METTL15: variants seen among roughly 807,000 people sequenced by gnomAD.
METTL15 encodes the protein 12S rRNA N(4)-cytidine methyltransferase METTL15.
Under a neutral mutation model 38.3 loss-of-function variants are expected in METTL15, and 34 were observed. The ratio of observed to expected loss-of-function variants is 0.89; its 90% CI spans 0.68 to 1.18. The LOEUF (loss-of-function observed/expected upper bound fraction) is 1.18, where lower values mean the gene tolerates loss of function less well. METTL15 is among the 50% of genes most tolerant of loss of function. METTL15 has a pLI of 0.00. For missense variants in METTL15, 438 were observed against 498.4 expected (o/e 0.88, Z 1.15); for synonymous variants, 162 against 170.9 (o/e 0.95, Z 0.41).
At chr11:28,455,213 T>C (rs1484432795) in intron 6 of METTL15, among the ~76,000 whole-genome samples, 4 of 140,222 alleles carry the variant, frequency 2.9e-5, no homozygotes, top group Non-Finnish European at 1.5e-5. Context: ...TGGGATCAGC[T>C]AGCTTTTTTT....
intron 6 of METTL15, among the ~76,000 whole-genome samples, chr11:28,446,308 T>C (rs572894600): frequency 6.6e-6 from 1 of 152,230 alleles, no homozygotes; most frequent in African/African-American, 2.4e-5. Flanking sequence ...TGCCAGTCTA[T>C]TTTTAAAGCC....
intron 6 of METTL15, among the ~76,000 whole-genome samples, chr11:28,474,330 C>A (rs1454110699): frequency 2.0e-5 from 3 of 151,912 alleles, no homozygotes; most frequent in Non-Finnish European, 4.4e-5. Context: ...ATGTTTAATT[C>A]TCCTTTCTTT....
chr11:28,337,064 C>T (rs1198772946), downstream of METTL15, among the ~76,000 whole-genome samples: 6 of 151,494 alleles, frequency 4.0e-5, no homozygotes, highest in Non-Finnish European at 8.8e-5. Context: ...TAGTTTTTAA[C>T]TAAAAAGTTT....
chr11:28,504,448 TAA>T (rs1379728601), intron 6 of METTL15, among the ~76,000 whole-genome samples: 1 of 152,158 alleles, frequency 6.6e-6, no homozygotes, highest in Non-Finnish European at 1.5e-5. Context: ...CCAGAATTTT[TAA>T]AAAGCCATTA....
At chr11:28,419,529 T>G (rs1357518050) in intron 5 of METTL15, among the ~76,000 whole-genome samples, 1 of 152,112 alleles carries the variant, frequency 6.6e-6, no homozygotes, top group Non-Finnish European at 1.5e-5. Flanking sequence ...CTGGAAAGCC[T>G]TCCCAAGAAG....
At chr11:28,382,430 A>G (rs1195007846) in intron 5 of METTL15, among the ~76,000 whole-genome samples, 1 of 152,124 alleles carries the variant, frequency 6.6e-6, no homozygotes, top group Non-Finnish European at 1.5e-5. Flanking sequence ...AATGGCTAGG[A>G]AGATGGTTGT....
At chr11:28,209,259 C>T (rs187334550) in intron 3 of METTL15, among the ~76,000 whole-genome samples, 36 of 151,998 alleles carry the variant, frequency 2.4e-4, no homozygotes, top group African/African-American at 8.4e-4. Flanking sequence ...TCTATAGTTA[C>T]AGCAAGGCTA....
intron 4 of METTL15, among the ~76,000 whole-genome samples, chr11:28,280,017 T>A (rs1248276284): frequency 6.6e-6 from 1 of 152,186 alleles, no homozygotes; most frequent in Non-Finnish European, 1.5e-5. Flanking sequence ...ACATTAATTC[T>A]ATTCTTTCCT....
intron 6 of METTL15, among the ~76,000 whole-genome samples, chr11:28,483,491 A>G (rs1442238234): frequency 6.6e-6 from 1 of 152,166 alleles, no homozygotes; most frequent in African/African-American, 2.4e-5. Context: ...AGCTAGCTAC[A>G]TGATCCTGGA....
At chr11:28,394,579 T>C (rs1850549173) in intron 5 of METTL15, among the ~76,000 whole-genome samples, 1 of 152,074 alleles carries the variant, frequency 6.6e-6, no homozygotes, top group Non-Finnish European at 1.5e-5. Flanking sequence ...TCACGGACAT[T>C]TTCAGTTCAA....
At chr11:28,421,142 C>G (rs1172268644) in intron 5 of METTL15, among the ~76,000 whole-genome samples, 1 of 151,840 alleles carries the variant, frequency 6.6e-6, no homozygotes, top group African/African-American at 2.4e-5. Flanking sequence ...ATACACACAG[C>G]CTACCAAGAT....
intron 6 of METTL15, among the ~76,000 whole-genome samples, chr11:28,430,140 G>C (rs1234502775): frequency 6.6e-6 from 1 of 151,746 alleles, no homozygotes; most frequent in East Asian, 2.0e-4. Context: ...CGTCTGAGAA[G>C]TGAGGAGCCC....
intron 5 of METTL15, among the ~76,000 whole-genome samples, chr11:28,416,585 A>G (rs1446494703): frequency 6.6e-6 from 1 of 152,234 alleles, no homozygotes; most frequent in Non-Finnish European, 1.5e-5. Context: ...AACCAGGTAT[A>G]GGTGAATTGC....
chr11:28,302,744 T>A (rs983612813), intron 6 of METTL15, among the ~76,000 whole-genome samples: 1 of 152,156 alleles, frequency 6.6e-6, no homozygotes, highest in Non-Finnish European at 1.5e-5. Flanking sequence ...CACTAACATA[T>A]GCAGGTAAGT....
downstream of METTL15, among the ~76,000 whole-genome samples, chr11:28,531,629 T>C (rs1444265834): frequency 2.0e-5 from 3 of 152,064 alleles, no homozygotes; most frequent in Non-Finnish European, 4.4e-5. Flanking sequence ...TACACTAAGT[T>C]AGATGGTATT....
At chr11:28,176,715 A>C (rs1339568312) in intron 3 of METTL15, among the ~76,000 whole-genome samples, 1 of 152,074 alleles carries the variant, frequency 6.6e-6, no homozygotes, top group East Asian at 1.9e-4. Context: ...CTAACCTGTC[A>C]GTTATTATCT....
chr11:28,230,863 C>T (rs1020972460), intron 4 of METTL15, among the ~76,000 whole-genome samples: 1 of 151,660 alleles, frequency 6.6e-6, no homozygotes, highest in Non-Finnish European at 1.5e-5. Context: ...CATTTTAGTG[C>T]CTGCTGTGTA....
At chr11:28,309,866 T>C (rs1260645587) in intron 6 of METTL15, among the ~76,000 whole-genome samples, 1 of 152,212 alleles carries the variant, frequency 6.6e-6, no homozygotes, top group African/African-American at 2.4e-5. Flanking sequence ...ATGGTGGCTC[T>C]TAATTCAGTC....
chr11:28,308,865 A>G (rs1857169843), intron 6 of METTL15, among the ~76,000 whole-genome samples: 1 of 150,564 alleles, frequency 6.6e-6, no homozygotes, highest in African/African-American at 2.4e-5. Context: ...TCAGATAGAA[A>G]GAAAGATTAG....
Sources: gnomAD v4.1 joint callset for allele counts (sites outside exome capture counted in the v4.1 genomes callset) on GRCh38, gnomAD v4.1.1 for gene constraint, MANE v1.5 for transcripts, NCBI Gene and HGNC (gene_info 2026-07-23, HGNC 2026-07-21) for gene names.